The following TNK2 variants were observed in gnomAD, a reference collection of about 807,000 sequenced individuals.
TNK2 encodes activated CDC42 kinase 1.
In TNK2, 83 loss-of-function variants were observed where a neutral mutation model predicts 101.8. That is an observed-to-expected ratio of 0.82 (90% CI 0.68 to 0.98). The LOEUF is 0.98. Ranked by LOEUF, TNK2 falls within the 50% of genes least tolerant of loss-of-function variation. TNK2 has a pLI of 0.00. For missense variants in TNK2, 1,665 were observed against 1,483.2 expected (o/e 1.12, Z -2.01); for synonymous variants, 804 against 633.0 (o/e 1.27, Z -4.06).
rs531441305 is a variant in TNK2 at position 195,885,663 on chromosome 3, G to A, written c.235-630C>T. 1.2e-5 allele frequency: 13 copies of A among 1,116,294 alleles called. No homozygotes were observed. The highest frequency in any genetic ancestry group is 1.2e-4 in the East Asian group (2 of 17,112). 69.1% of individuals were successfully genotyped at this position (1,116,294 alleles called of 1,614,324 possible). A position where few individuals can be genotyped will look rare whatever the true frequency, so the allele number is the denominator to read the frequency against. On this transcript the variant is annotated intron_variant, in intron 3 of 15. Coordinates refer to ENST00000672887, the MANE Select transcript of TNK2 (RefSeq NM_001382273.1). The surrounding 1 kb of genome is among the most constrained non-coding windows in gnomAD (Gnocchi z 4.7). Reference sequence around the variant, plus strand: ...AAGACAGCTGGGTCTCTGGAGGGGCGCCTAGAGCTGAGGGCTGAGACGGAA... The same window carrying A: ...AAGACAGCTGGGTCTCTGGAGGGGCACCTAGAGCTGAGGGCTGAGACGGAA...
chr3:195,880,033 A>G (rs909307587), intron 6 of TNK2, among the ~76,000 whole-genome samples: 7 of 152,128 alleles, frequency 4.6e-5, no homozygotes, highest in African/African-American at 1.7e-4. Context: ...TAAGATGACC[A>G]TGCGTCCTGG....
At chr3:195,892,954 T>C (rs1175857891) in intron 1 of TNK2, among the ~76,000 whole-genome samples, 1 of 151,894 alleles carries the variant, frequency 6.6e-6, no homozygotes, top group Non-Finnish European at 1.5e-5. Flanking sequence ...CTGGCCCCCC[T>C]GCCTCCCCAT....
In TNK2 at chr3:195,881,638, C is replaced by A. The variant is rs1012548834; in HGVS notation, c.887+413G>T. Among the ~76,000 whole-genome samples, 243 of 86,022 alleles carry A rather than the reference C, an allele frequency of 2.8e-3. 4 individuals carry two copies. The highest frequency in any genetic ancestry group is 2.4e-3 in the Non-Finnish European group (106 of 44,892). The allele number at this position is 86,022 out of a possible 152,430, so 56.4% of individuals were successfully genotyped here. A position where few individuals can be genotyped will look rare whatever the true frequency, so the allele number is the denominator to read the frequency against. ...ACACAGCATCTATCCTTGTAACACC[C>A]CCCCCCCAGCAACGCCCTTTGGAGA... On this transcript the variant is annotated intron_variant, in intron 6 of 15. Transcript: ENST00000672887.
chr3:195,877,723 G>A (rs972499151), intron 9 of TNK2, among the ~76,000 whole-genome samples: 11 of 152,154 alleles, frequency 7.2e-5, no homozygotes, highest in Non-Finnish European at 1.6e-4. Context: ...TGTGGGAGGA[G>A]GGTTAGGTAT....
At chr3:195,899,165 A>G (rs963269900) in intron 1 of TNK2, among the ~76,000 whole-genome samples, 2 of 152,212 alleles carry the variant, frequency 1.3e-5, no homozygotes, top group African/African-American at 4.8e-5. Flanking sequence ...TACTGTGTCT[A>G]CATGATAAAC....
intron 1 of TNK2, among the ~76,000 whole-genome samples, chr3:195,898,660 CT>C (rs147242417): frequency 0.2 from 30,945 of 152,124 alleles, 3,415 homozygotes; most frequent in Middle Eastern, 0.3. Flanking sequence ...GGGTCTTGCT[CT>C]GTTGCCCAGG....
chr3:195,895,480 C>CG, intron 1 of TNK2: 1 of 1,366,646 alleles, frequency 7.3e-7, no homozygotes, highest in East Asian at 3.1e-5. Flanking sequence ...CATCGGCCGG[C>CG]GGCCGGGTGG....
chr3:195,867,535 C>T lies in TNK2; in HGVS notation c.2763G>A (p.Thr921=), dbSNP rs752285630. Residue 921 remains threonine (T), a synonymous_variant, in exon 13 of 16, where the codon ACG becomes ACA. Transcript: ENST00000672887. ...CCTGGGGCATCGGCCGCACGGTGGC[C>T]GTGGGGGCGGCGGGGGCTGGGGTGC... The part of the protein sequence containing the change: ...PPSTPAPAAP[T]ATVRPMPQAA... 4.2e-5 allele frequency: 40 copies of T among 950,688 alleles called. No homozygotes were observed. The highest frequency in any genetic ancestry group is 2.1e-4 in the South Asian group (13 of 62,692). 58.9% of individuals were successfully genotyped at this position (950,688 alleles called of 1,614,324 possible). A position where few individuals can be genotyped will look rare whatever the true frequency, so the allele number is the denominator to read the frequency against.
intron 2 of TNK2, among the ~76,000 whole-genome samples, chr3:195,887,961 T>TGTGCATGTGCGTGTGTGCCTGC (rs1756815912): frequency 8.6e-6 from 1 of 116,892 alleles, no homozygotes; most frequent in South Asian, 2.3e-4. Context: ...CCTGCGTGTG[T>TGTGCATGTGCGTGTGTGCCTGC]GTGTGTGTGT....
Position 195,879,248 on chromosome 3 carries a change from C to T in TNK2, c.888-73G>A, listed in dbSNP as rs1214371156. Reference sequence around the variant, plus strand: ...GCGTCCGCCCCAGGGACTTAAAACACTCATGCAGCAAACACTTGTTGTGAC... The same window carrying T: ...GCGTCCGCCCCAGGGACTTAAAACATTCATGCAGCAAACACTTGTTGTGAC... On this transcript the variant is annotated intron_variant, in intron 6 of 15. Coordinates refer to ENST00000672887, the MANE Select transcript of TNK2 (RefSeq NM_001382273.1). 6 of 1,587,268 alleles carry T rather than the reference C, an allele frequency of 3.8e-6. No individual in the cohort carries two copies. The East Asian group carries it at 1.3e-4, about 36-fold the overall frequency.
At chr3:195,897,711 AGGTTG>A (rs752976508) in intron 1 of TNK2, among the ~76,000 whole-genome samples, 4 of 151,820 alleles carry the variant, frequency 2.6e-5, no homozygotes, top group Non-Finnish European at 5.9e-5. Context: ...CATGTTGCCC[AGGTTG>A]GTCTCAAACT....
chr3:195,907,302 G>A (rs1455230342), intron 1 of TNK2, among the ~76,000 whole-genome samples: 1 of 152,188 alleles, frequency 6.6e-6, no homozygotes, highest in African/African-American at 2.4e-5. Context: ...GCTGACAGGC[G>A]GGTTTGAGTT....
chr3:195,892,787 C>T, intron 1 of TNK2: 3 of 1,094,872 alleles, frequency 2.7e-6, no homozygotes, highest in South Asian at 3.6e-5. Context: ...CACCCAACTG[C>T]CCGCCCGGCC....
Position 195,863,880 on chromosome 3 carries a change from G to T in TNK2, c.*301C>A. The T allele has an allele frequency of 2.4e-6, 1 of 416,038 alleles. No homozygotes were observed. Among genetic ancestry groups the T allele is most frequent in the East Asian group, 3.6e-5 (1 of 27,656 alleles). The allele number at this position is 416,038 out of a possible 1,614,324, so 25.8% of individuals were successfully genotyped here. A position where few individuals can be genotyped will look rare whatever the true frequency, so the allele number is the denominator to read the frequency against. On this transcript the variant is annotated 3_prime_UTR_variant, in exon 16 of 16. Coordinates refer to ENST00000672887, the MANE Select transcript of TNK2 (RefSeq NM_001382273.1). ...CCCACAGGCCCCGCCCAGGACCAGG[G>T]CCAGAGGCAGGTCATACCCAGAGCC...
At position 195,882,713 on chromosome 3, in the gene TNK2, C is replaced by T. The variant is rs910316858; in HGVS notation, c.610-385G>A. On this transcript the variant is annotated intron_variant, in intron 5 of 15. Transcript: ENST00000672887. This position sits in a 1 kb window ranked among gnomAD's most constrained non-coding sequence, Gnocchi z 4.2. ...TCTCTACTAAAAATACAAAAATTAG[C>T]CAGGCATGGTAGCGCACGGCTGTAA... Among the ~76,000 whole-genome samples, 1 of 152,098 alleles carries T rather than the reference C, an allele frequency of 6.6e-6. No homozygotes were observed. Among genetic ancestry groups the T allele is most frequent in the Non-Finnish European group, 1.5e-5 (1 of 68,016 alleles).
chr3:195,871,100 G>T (rs1176738749), intron 10 of TNK2, among the ~76,000 whole-genome samples: 1 of 151,972 alleles, frequency 6.6e-6, no homozygotes. Flanking sequence ...GCAGACCAGA[G>T]TATCAGAAGT....
intron 1 of TNK2, chr3:195,896,070 G>A (rs1394350664): frequency 8.8e-6 from 4 of 455,306 alleles, no homozygotes; most frequent in Non-Finnish European, 1.3e-5. Context: ...ACTTCAGAGC[G>A]GTGACACGAG....
Position 195,882,529 on chromosome 3 carries a change from TAG to T in TNK2, c.610-203_610-202del, listed in dbSNP as rs1438341937. 1 of 1,532,518 alleles carries T rather than the reference TAG, an allele frequency of 6.5e-7. No individual in the cohort carries two copies. Among genetic ancestry groups the T allele is most frequent in the South Asian group, 1.2e-5 (1 of 83,170 alleles). 94.9% of individuals were successfully genotyped at this position (1,532,518 alleles called of 1,614,324 possible). ...CGAGGCAATTTGGGAAACTGATGCC[TAG>T]AGAGAAGGAGCCCAAAGAGGCAGTG... is the stretch of plus-strand genomic sequence containing the variant. On this transcript the variant is annotated intron_variant, in intron 5 of 15. Transcript: ENST00000672887. The surrounding 1 kb of genome is among the most constrained non-coding windows in gnomAD (Gnocchi z 4.2).
At position 195,885,213 on chromosome 3, in the gene TNK2, CA is replaced by C; in HGVS notation, c.235-181del. Reference sequence around the variant, plus strand: ...CCACACTCCGTCCAGGGCACACCCCCAAACATGAACCCAAAGCCTGATGCTG... The same window carrying C: ...CCACACTCCGTCCAGGGCACACCCCCAACATGAACCCAAAGCCTGATGCTG... On this transcript the variant is annotated intron_variant, in intron 3 of 15. Coordinates refer to ENST00000672887, the MANE Select transcript of TNK2 (RefSeq NM_001382273.1). The surrounding 1 kb of genome is among the most constrained non-coding windows in gnomAD (Gnocchi z 4.7). 9.9e-7 allele frequency: 1 copy of C among 1,011,370 alleles called. No individual in the cohort carries two copies. The highest frequency in any genetic ancestry group is 1.4e-6 in the Non-Finnish European group (1 of 709,408). The allele number at this position is 1,011,370 out of a possible 1,614,324, so 62.6% of individuals were successfully genotyped here.
Sources: gnomAD v4.1 joint callset for allele counts (sites outside exome capture counted in the v4.1 genomes callset) on GRCh38, gnomAD v4.1.1 for gene constraint, Gnocchi (gnomAD v3.1) non-coding constraint, MANE v1.5 for transcripts, NCBI Gene and HGNC (gene_info 2026-07-23, HGNC 2026-07-21) for gene names.